The following TMEM178B variants were observed in gnomAD, a reference collection of about 807,000 sequenced individuals.
TMEM178B encodes transmembrane protein 178B.
TMEM178B carries 5 observed loss-of-function variants against 31.0 expected under a neutral mutation model. The observed-to-expected ratio is 0.16, with a 90% CI of 0.08 to 0.34. TMEM178B has a LOEUF of 0.34. Ranked by LOEUF, TMEM178B falls within the 10% of genes least tolerant of loss-of-function variation. The pLI, the probability that TMEM178B is intolerant of heterozygous loss-of-function variation, is 1.00. For missense variants in TMEM178B, 275 were observed against 400.3 expected (o/e 0.69, Z 2.67); for synonymous variants, 164 against 164.0 (o/e 1.00, Z 0.00).
chr7:141,495,443 C>T, the TMEM178B span, among the ~76,000 whole-genome samples: 1 of 152,166 alleles, frequency 6.6e-6, no homozygotes, highest in Non-Finnish European at 1.5e-5. Flanking sequence ...ACATGATTTT[C>T]ATTCTTCTTT....
chr7:141,080,709 T>TA (rs1794668332), intron 1 of TMEM178B, among the ~76,000 whole-genome samples: 1 of 152,228 alleles, frequency 6.6e-6, no homozygotes, highest in Admixed American at 6.5e-5. Context: ...GGTCTGCCCT[T>TA]ACGAAGCGCA....
intron 2 of TMEM178B, among the ~76,000 whole-genome samples, chr7:141,218,121 C>A (rs1054969507): frequency 6.6e-6 from 1 of 152,024 alleles, no homozygotes; most frequent in Non-Finnish European, 1.5e-5. Context: ...CTCATCGGCC[C>A]TGTGGCTGTT....
At chr7:141,395,672 C>T (rs184343575) in intron 2 of TMEM178B, among the ~76,000 whole-genome samples, 5 of 152,284 alleles carry the variant, frequency 3.3e-5, no homozygotes, top group East Asian at 1.9e-4. Context: ...GCTCTGTCCT[C>T]ACTCCACCAC....
At chr7:141,139,993 C>T (rs1362980960) in intron 1 of TMEM178B, among the ~76,000 whole-genome samples, 5 of 152,070 alleles carry the variant, frequency 3.3e-5, no homozygotes, top group Admixed American at 1.3e-4. Context: ...CTTGAACTCC[C>T]GACTTCAGGT....
chr7:141,194,710 C>A (rs1366592108), intron 1 of TMEM178B, among the ~76,000 whole-genome samples: 1 of 152,216 alleles, frequency 6.6e-6, no homozygotes, highest in Non-Finnish European at 1.5e-5. Context: ...AGGCGTGCCC[C>A]AGTAGAGACT....
intron 2 of TMEM178B, among the ~76,000 whole-genome samples, chr7:141,315,567 C>T (rs1268915057): frequency 6.6e-6 from 1 of 152,200 alleles, no homozygotes; most frequent in Admixed American, 6.5e-5. Context: ...ATATTCATCT[C>T]AACACTGATA....
chr7:141,387,142 C>G (rs536731619), intron 2 of TMEM178B, among the ~76,000 whole-genome samples: 2 of 152,244 alleles, frequency 1.3e-5, no homozygotes, highest in South Asian at 4.2e-4. Flanking sequence ...AGGGCATTCA[C>G]AGTCTTCCTG....
At chr7:141,377,461 T>C (rs1449911916) in intron 2 of TMEM178B, among the ~76,000 whole-genome samples, 6 of 151,292 alleles carry the variant, frequency 4.0e-5, no homozygotes, top group African/African-American at 1.5e-4. Context: ...TTTTAAGAAA[T>C]CACTTCGTGA....
intron 3 of TMEM178B, among the ~76,000 whole-genome samples, chr7:141,451,417 C>T (rs371409934): frequency 9.2e-5 from 14 of 152,154 alleles, no homozygotes; most frequent in African/African-American, 2.9e-4. Flanking sequence ...TCCTAGTACT[C>T]GCTTAGAGTT....
rs376072438 is a variant in TMEM178B at position 141,144,491 on chromosome 7, A to G, written c.383-68100A>G. ...TCTCTGTTGAAGGTAACATTTTGGAACAAAGCTAGAGATGTGACATGGTAG... is the reference window on the plus strand; with the variant it reads ...TCTCTGTTGAAGGTAACATTTTGGAGCAAAGCTAGAGATGTGACATGGTAG... On this transcript the variant is annotated intron_variant, in intron 1 of 3. Transcript: ENST00000565468. Among the ~76,000 whole-genome samples the G allele has an allele frequency of 6.1e-4, 93 of 152,334 alleles. 4 individuals carry two copies. Among genetic ancestry groups the G allele is most frequent in the African/African-American group, 2.0e-3 (83 of 41,586 alleles).
chr7:141,364,560 T>G (rs1385117768), intron 2 of TMEM178B, among the ~76,000 whole-genome samples: 6 of 148,064 alleles, frequency 4.1e-5, no homozygotes, highest in Non-Finnish European at 8.9e-5. Context: ...CTCGGGAGGC[T>G]GAGGCAGGAG....
At position 141,319,772 on chromosome 7, in the gene TMEM178B, G is replaced by A. The variant is rs192733159; in HGVS notation, c.496+107068G>A. ...AGGCTGGGTTTGTCTTCTTATCACAGAGTTCAGAAAAATAGGCTTTAGAGA... is the reference window on the plus strand; with the variant it reads ...AGGCTGGGTTTGTCTTCTTATCACAAAGTTCAGAAAAATAGGCTTTAGAGA... On this transcript the variant is annotated intron_variant, in intron 2 of 3. Transcript: ENST00000565468. Among the ~76,000 whole-genome samples, 260 of 152,260 alleles carry A rather than the reference G, an allele frequency of 1.7e-3. 2 individuals are homozygous for A. Among genetic ancestry groups the A allele is most frequent in the African/African-American group, 4.1e-3 (171 of 41,554 alleles).
chr7:141,507,465 C>T, the TMEM178B span, among the ~76,000 whole-genome samples: 9 of 152,182 alleles, frequency 5.9e-5, no homozygotes, highest in South Asian at 8.3e-4. Context: ...CTCTGCCACC[C>T]GGGTTCAAAT....
chr7:141,154,216 AG>A (rs1432965315), intron 1 of TMEM178B, among the ~76,000 whole-genome samples: 1 of 152,264 alleles, frequency 6.6e-6, no homozygotes, highest in East Asian at 1.9e-4. Context: ...TCTTTAGACA[AG>A]GCCAGAATTT....
At chr7:141,107,740 A>G (rs532541082) in intron 1 of TMEM178B, among the ~76,000 whole-genome samples, 1 of 152,356 alleles carries the variant, frequency 6.6e-6, no homozygotes, top group East Asian at 1.9e-4. Context: ...AGTTTAGCAG[A>G]ACAATCTGAA....
intron 1 of TMEM178B, among the ~76,000 whole-genome samples, chr7:141,196,582 C>T (rs1175323350): frequency 6.6e-6 from 1 of 152,182 alleles, no homozygotes; most frequent in East Asian, 1.9e-4. Flanking sequence ...TTGGACTCAT[C>T]AGGTTAGAGC....
At chr7:141,101,911 G>A (rs905593259) in intron 1 of TMEM178B, among the ~76,000 whole-genome samples, 1 of 99,228 alleles carries the variant, frequency 1.0e-5, no homozygotes, top group South Asian at 3.3e-4. Context: ...GTGTTAACGT[G>A]TGTGTGTGTG....
At chr7:141,151,233 G>A (rs988504396) in intron 1 of TMEM178B, among the ~76,000 whole-genome samples, 1 of 152,142 alleles carries the variant, frequency 6.6e-6, no homozygotes, top group East Asian at 1.9e-4. Context: ...TAGAAAATGT[G>A]GTTAACAATA....
chr7:141,506,052 A>T, the TMEM178B span, among the ~76,000 whole-genome samples: 2 of 152,240 alleles, frequency 1.3e-5, no homozygotes, highest in Non-Finnish European at 2.9e-5. Context: ...CATCCAGCAT[A>T]TCACACATAT....
Sources: allele counts gnomAD v4.1 joint callset (sites outside exome capture counted in the v4.1 genomes callset), GRCh38; gene constraint gnomAD v4.1.1; transcripts MANE v1.5; gene names NCBI Gene and HGNC (gene_info 2026-07-23, HGNC 2026-07-21).